Variants in CREBRF observed in about 807,000 individuals in gnomAD.
CREBRF encodes the protein UPF0474 protein C5orf41.
Under a neutral mutation model 66.1 loss-of-function variants are expected in CREBRF, and 5 were observed. The observed-to-expected ratio is 0.08, with a 90% CI of 0.04 to 0.16. The LOEUF (loss-of-function observed/expected upper bound fraction) is 0.16. Among genes scored for constraint, CREBRF ranks in the 10% least tolerant of loss-of-function variants. CREBRF has a pLI of 1.00. For synonymous variants in CREBRF, 229 were observed against 264.4 expected (o/e 0.87, Z 1.30); for missense variants, 531 against 744.9 (o/e 0.71, Z 3.34).
intron 4 of CREBRF, among the ~76,000 whole-genome samples, chr5:173,092,544 T>G (rs967296714): frequency 1.4e-4 from 21 of 152,204 alleles, no homozygotes; most frequent in African/African-American, 4.8e-4. Flanking sequence ...TAAAGTTATC[T>G]TCTTCAAAAA....
In CREBRF at chr5:173,079,468, A is replaced by T. The variant is rs896414633; in HGVS notation, c.-191-1117A>T. ...ACAGAGTGAGACTCTGTCTTTTTTA[A>T]AAAAAAAAAAAAAAAAGGAAATTAA... is the stretch of plus-strand genomic sequence containing the variant. On this transcript the variant is annotated intron_variant, in intron 1 of 8. Coordinates refer to ENST00000296953, the MANE Select transcript of CREBRF (RefSeq NM_153607.3). Among the ~76,000 whole-genome samples the T allele has an allele frequency of 3.3e-4, 34 of 102,444 alleles. No homozygotes were observed. In the South Asian group the frequency reaches 3.8e-3, roughly 11 times the overall value. The allele number at this position is 102,444 out of a possible 152,430, so 67.2% of individuals were successfully genotyped here. A position where few individuals can be genotyped will look rare whatever the true frequency, so the allele number is the denominator to read the frequency against.
intron 7 of CREBRF, among the ~76,000 whole-genome samples, chr5:173,114,702 A>G (rs1463956521): frequency 6.6e-6 from 1 of 152,160 alleles, no homozygotes; most frequent in East Asian, 1.9e-4. Context: ...CTATCCCACC[A>G]AACTTCCTTC....
chr5:173,125,904 T>G (rs1759264738), intron 8 of CREBRF, among the ~76,000 whole-genome samples: 1 of 151,814 alleles, frequency 6.6e-6, no homozygotes, highest in Admixed American at 6.6e-5. Context: ...CACGCCAGGT[T>G]TGGTGGCTTT....
chr5:173,110,302 C>G, intron 5 of CREBRF: 1 of 638,856 alleles, frequency 1.6e-6, no homozygotes, highest in East Asian at 3.1e-5. Context: ...AAAGTTAGAA[C>G]TCTGCCATAT....
chr5:173,084,367 T>G (rs1428678183), intron 2 of CREBRF, among the ~76,000 whole-genome samples: 1 of 152,044 alleles, frequency 6.6e-6, no homozygotes, highest in Non-Finnish European at 1.5e-5. Context: ...CTCTCCAGGG[T>G]GGAACCAGGG....
intron 1 of CREBRF, among the ~76,000 whole-genome samples, chr5:173,062,909 G>A (rs905826705): frequency 1.4e-4 from 21 of 151,662 alleles, no homozygotes; most frequent in African/African-American, 4.4e-4. Context: ...CACTACGCCC[G>A]GCTAATTTTT....
At chr5:173,092,608 A>G (rs931366815) in intron 4 of CREBRF, among the ~76,000 whole-genome samples, 3 of 152,102 alleles carry the variant, frequency 2.0e-5, no homozygotes, top group Non-Finnish European at 4.4e-5. Context: ...AAAAAAAACT[A>G]TCAAAGAGAG....
At chr5:173,113,203 C>T (rs1758907755) in intron 7 of CREBRF, among the ~76,000 whole-genome samples, 1 of 152,184 alleles carries the variant, frequency 6.6e-6, no homozygotes, top group Admixed American at 6.5e-5. Flanking sequence ...CTGTGTTGCC[C>T]AGGCTGGTCC....
At chr5:173,085,480 G>A (rs1758119252) in intron 2 of CREBRF, 1 of 593,368 alleles carries the variant, frequency 1.7e-6, no homozygotes, top group Admixed American at 2.9e-5. Flanking sequence ...GCAATGGCGA[G>A]ATCTCAGCTT....
intron 4 of CREBRF, among the ~76,000 whole-genome samples, chr5:173,092,766 TTC>T (rs1758382923): frequency 1.3e-5 from 2 of 152,212 alleles, no homozygotes; most frequent in Non-Finnish European, 2.9e-5. Flanking sequence ...GGTGAAATCT[TTC>T]TATTACACAA....
At chr5:173,128,449 T>G (rs572691135) in intron 8 of CREBRF, among the ~76,000 whole-genome samples, 19 of 152,058 alleles carry the variant, frequency 1.2e-4, no homozygotes, top group Non-Finnish European at 1.5e-5. Context: ...TTAATAAAGT[T>G]TTTTCCTTTT....
chr5:173,058,786 CTTTTTTTTTTTTT>C (rs70984932), intron 1 of CREBRF, among the ~76,000 whole-genome samples: 4,972 of 64,234 alleles, frequency 0.077, 159 homozygotes, highest in South Asian at 0.18. Flanking sequence ...CGCCCAGCCT[CTTTTTTTTTTTTT>C]TTTTTTTTTT....
rs1758210334 is a variant in CREBRF at position 173,087,940 on chromosome 5, C to G, written c.135+1314C>G. ...CCAGGCTCAAGCGATTCTCCTGCCT[C>G]AGCCTCCCGAGTAGCTGGGATTACA... On this transcript the variant is annotated intron_variant, in intron 3 of 8. Coordinates refer to ENST00000296953, the MANE Select transcript of CREBRF (RefSeq NM_153607.3). Among the ~76,000 whole-genome samples the G allele has an allele frequency of 3.3e-5, 5 of 151,690 alleles. No homozygotes were observed. In the South Asian group the frequency reaches 1.0e-3, roughly 31 times the overall value.
chr5:173,087,580 T>A (rs1758197934), intron 3 of CREBRF, among the ~76,000 whole-genome samples: 1 of 151,612 alleles, frequency 6.6e-6, no homozygotes, highest in Admixed American at 6.6e-5. Context: ...CCTGTAGTCC[T>A]AGCTACTCGG....
intron 3 of CREBRF, among the ~76,000 whole-genome samples, chr5:173,087,034 T>G (rs1758173500): frequency 6.6e-6 from 1 of 150,526 alleles, no homozygotes; most frequent in African/African-American, 2.4e-5. Flanking sequence ...GCAACCTCCA[T>G]CTCCTGGGTT....
At chr5:173,079,748 C>T (rs1249406966) in intron 1 of CREBRF, among the ~76,000 whole-genome samples, 1 of 152,164 alleles carries the variant, frequency 6.6e-6, no homozygotes, top group African/African-American at 2.4e-5. Context: ...TAGGTTGTTG[C>T]TGATGTAGTA....
intron 4 of CREBRF, among the ~76,000 whole-genome samples, chr5:173,096,479 T>A (rs1758480494): frequency 9.6e-6 from 1 of 104,520 alleles, no homozygotes; most frequent in Non-Finnish European, 1.9e-5. Flanking sequence ...CCCTCCCCTT[T>A]CTGTGTCCAG....
At chr5:173,100,078 T>TTGTGTG (rs749558283) in intron 4 of CREBRF, among the ~76,000 whole-genome samples, 10,496 of 68,300 alleles carry the variant, frequency 0.15, 811 homozygotes, top group East Asian at 0.29. Context: ...GGCTAATCTT[T>TTGTGTG]TGTGTGTGTG....
At position 173,092,437 on chromosome 5, in the gene CREBRF, G is replaced by C. The variant is rs928681797; in HGVS notation, c.1222+1036G>C. 7.1e-6 allele frequency: 7 copies of C among 984,988 alleles called. No homozygotes were observed. The African/African-American group carries it at 1.2e-4, about 17-fold the overall frequency. The allele number at this position is 984,988 out of a possible 1,614,324, so 61.0% of individuals were successfully genotyped here. Reference sequence around the variant, plus strand: ...TTAGCATTTACATGCTTGGGCTTTTGGCGCTGTTGGCTTGTGCAGTTTATT... The same window carrying C: ...TTAGCATTTACATGCTTGGGCTTTTCGCGCTGTTGGCTTGTGCAGTTTATT... On this transcript the variant is annotated intron_variant, in intron 4 of 8. Transcript: ENST00000296953.
Sources: allele counts gnomAD v4.1 joint callset (sites outside exome capture counted in the v4.1 genomes callset), GRCh38; gene constraint gnomAD v4.1.1; transcripts MANE v1.5; gene names NCBI Gene and HGNC (gene_info 2026-07-23, HGNC 2026-07-21).